The following MOGAT1 variants were observed in gnomAD, a reference collection of about 807,000 sequenced individuals.
MOGAT1 encodes the protein 2-acylglycerol O-acyltransferase 1.
In MOGAT1, 32 loss-of-function variants were observed where a neutral mutation model predicts 31.4. The ratio of observed to expected loss-of-function variants is 1.02; its 90% CI spans 0.77 to 1.37. The LOEUF (loss-of-function observed/expected upper bound fraction) is 1.37. Ranked by LOEUF, MOGAT1 falls within the 40% of genes most tolerant of loss-of-function variation. The probability of loss-of-function intolerance (pLI) is 0.00; values close to 1 mark genes in which losing one functional copy is unlikely to be tolerated. For synonymous variants in MOGAT1, 145 were observed against 144.5 expected (o/e 1.00, Z -0.03); for missense variants, 426 against 402.0 (o/e 1.06, Z -0.51).
chr2:222,675,157 T>C (rs887392506), intron 1 of MOGAT1, among the ~76,000 whole-genome samples: 1 of 152,270 alleles, frequency 6.6e-6, no homozygotes. Context: ...TCTGCTTCTT[T>C]GCAGGGTTAA....
intron 3 of MOGAT1, among the ~76,000 whole-genome samples, chr2:222,692,479 T>C (rs1037918583): frequency 6.6e-6 from 1 of 152,170 alleles, no homozygotes; most frequent in Admixed American, 6.5e-5. Context: ...TTTGACCAGA[T>C]AGATGATGGT....
chr2:222,709,356 C>T (rs994253688), intron 5 of MOGAT1, among the ~76,000 whole-genome samples: 2 of 152,134 alleles, frequency 1.3e-5, no homozygotes, highest in African/African-American at 4.8e-5. Context: ...TGCCACGTGA[C>T]GTGAGGATTC....
intron 3 of MOGAT1, among the ~76,000 whole-genome samples, chr2:222,690,509 A>AT (rs1274369539): frequency 6.6e-6 from 1 of 151,942 alleles, no homozygotes; most frequent in Non-Finnish European, 1.5e-5. Flanking sequence ...GTGAGCCAAC[A>AT]TTTTGCCACT....
intron 5 of MOGAT1, among the ~76,000 whole-genome samples, chr2:222,706,471 T>TA (rs11455554): frequency 0.58 from 81,145 of 139,648 alleles, 23,455 homozygotes; most frequent in African/African-American, 0.69. Flanking sequence ...AAACTCTGTA[T>TA]AAAAAAAAAA....
intron 3 of MOGAT1, among the ~76,000 whole-genome samples, chr2:222,693,588 G>A (rs1692796662): frequency 6.6e-6 from 1 of 151,954 alleles, no homozygotes; most frequent in Admixed American, 6.6e-5. Context: ...TAATCATGGT[G>A]GAAGGCAAGG....
intron 5 of MOGAT1, among the ~76,000 whole-genome samples, chr2:222,697,576 C>CTTTTTTTTTTT (rs35259095): frequency 1.0e-5 from 1 of 96,030 alleles, no homozygotes; most frequent in Non-Finnish European, 2.0e-5. Flanking sequence ...TTATCAGAAT[C>CTTTTTTTTTTT]TTTTTTTTTT....
At chr2:222,705,314 C>T (rs957710346) in intron 5 of MOGAT1, among the ~76,000 whole-genome samples, 6 of 152,136 alleles carry the variant, frequency 3.9e-5, no homozygotes, top group African/African-American at 1.4e-4. Flanking sequence ...CATCCTATGA[C>T]TTAGGATGCC....
rs1692417454 is a variant in MOGAT1, at chr2:222,671,683, G to T, written c.-103G>T. ...GCCTTTTCCTCTCCGCCCAGCCAGT[G>T]CCCAGCGCGGGGCCCGGATCCGGCC... is the stretch of plus-strand genomic sequence containing the variant. On this transcript the variant is annotated 5_prime_UTR_variant, in exon 1 of 6. Coordinates refer to ENST00000446656, the MANE Select transcript of MOGAT1 (RefSeq NM_058165.3). The T allele has an allele frequency of 3.1e-6, 3 of 978,822 alleles. No homozygotes were observed. The highest frequency in any genetic ancestry group is 4.6e-6 in the Non-Finnish European group (3 of 648,154). 60.6% of individuals were successfully genotyped at this position (978,822 alleles called of 1,614,324 possible).
intron 5 of MOGAT1, among the ~76,000 whole-genome samples, chr2:222,707,428 G>A (rs984543576): frequency 6.6e-6 from 1 of 150,932 alleles, no homozygotes; most frequent in African/African-American, 2.5e-5. Flanking sequence ...GGAGGGAAGG[G>A]AGGCAAGGAA....
At chr2:222,692,681 C>A (rs1692780140) in intron 3 of MOGAT1, among the ~76,000 whole-genome samples, 1 of 152,110 alleles carries the variant, frequency 6.6e-6, no homozygotes. Context: ...GAGAACTCAG[C>A]ATACATAAAT....
intron 5 of MOGAT1, among the ~76,000 whole-genome samples, chr2:222,696,749 T>G (rs946057728): frequency 4.6e-5 from 7 of 152,266 alleles, no homozygotes; most frequent in African/African-American, 1.7e-4. Flanking sequence ...ATAAAAATAC[T>G]GAGGAGTTGG....
chr2:222,701,392 GAAAGAA>G (rs1692919689), intron 5 of MOGAT1, among the ~76,000 whole-genome samples: 2 of 142,364 alleles, frequency 1.4e-5, no homozygotes, highest in African/African-American at 5.2e-5. Context: ...GAGAAAGAAA[GAAAGAA>G]AGAGAGAGAG....
chr2:222,671,739 G>A lies in MOGAT1; in HGVS notation c.-47G>A. On this transcript the variant is annotated 5_prime_UTR_variant, in exon 1 of 6. In the 5' UTR this introduces an upstream ATG that the reference lacks. Coordinates refer to ENST00000446656, the MANE Select transcript of MOGAT1 (RefSeq NM_058165.3). ...CTTCCCACAGGCGCCGCAGAGCAGCGTGGGTGCAGGCTGCAGTGGCTGGCG... is the reference window on the plus strand; with the variant it reads ...CTTCCCACAGGCGCCGCAGAGCAGCATGGGTGCAGGCTGCAGTGGCTGGCG... The A allele has an allele frequency of 6.8e-7, 1 of 1,464,290 alleles. No individual in the cohort carries two copies. Among genetic ancestry groups the A allele is most frequent in the Middle Eastern group, 1.9e-4 (1 of 5,346 alleles). The allele number at this position is 1,464,290 out of a possible 1,614,324, so 90.7% of individuals were successfully genotyped here. A position where few individuals can be genotyped will look rare whatever the true frequency, so the allele number is the denominator to read the frequency against.
chr2:222,687,160 A>G (rs1448895605), intron 1 of MOGAT1, among the ~76,000 whole-genome samples: 1 of 144,764 alleles, frequency 6.9e-6, no homozygotes, highest in Non-Finnish European at 1.5e-5. Context: ...GAAAGAAAGA[A>G]AAAATATATA....
chr2:222,684,300 G>C (rs1692629385), intron 1 of MOGAT1, among the ~76,000 whole-genome samples: 1 of 151,820 alleles, frequency 6.6e-6, no homozygotes, highest in African/African-American at 2.4e-5. Context: ...GCTATATTCG[G>C]GAGGCTGAGG....
At chr2:222,695,931 C>T (rs574982418) in intron 5 of MOGAT1, among the ~76,000 whole-genome samples, 123 of 152,220 alleles carry the variant, frequency 8.1e-4, no homozygotes, top group African/African-American at 2.5e-3. Context: ...CTCTTTCCCC[C>T]GAGTCCCCAA....
intron 1 of MOGAT1, among the ~76,000 whole-genome samples, chr2:222,681,450 G>T (rs1692579638): frequency 6.6e-6 from 1 of 152,144 alleles, no homozygotes; most frequent in Admixed American, 6.5e-5. Context: ...ACCCAGGTAG[G>T]GGTCTGAAAT....
chr2:222,684,838 G>C (rs562398027), intron 1 of MOGAT1, among the ~76,000 whole-genome samples: 1 of 152,070 alleles, frequency 6.6e-6, no homozygotes, highest in African/African-American at 2.4e-5. Flanking sequence ...GCCTCCCAAA[G>C]TGCTGGGATT....
intron 1 of MOGAT1, among the ~76,000 whole-genome samples, chr2:222,683,092 T>C (rs567313596): frequency 2.6e-5 from 4 of 151,788 alleles, no homozygotes; most frequent in Non-Finnish European, 5.9e-5. Context: ...TAGTCCCAGC[T>C]ACTTGGGAGG....
Sources: allele counts gnomAD v4.1 joint callset (sites outside exome capture counted in the v4.1 genomes callset), GRCh38; gene constraint gnomAD v4.1.1; transcripts MANE v1.5; gene names NCBI Gene and HGNC (gene_info 2026-07-23, HGNC 2026-07-21).